Variants in DSCAML1 observed in about 807,000 individuals in gnomAD.
The protein encoded by DSCAML1 is cell adhesion molecule DSCAML1.
Under a neutral mutation model 200.5 loss-of-function variants are expected in DSCAML1, and 38 were observed. The observed-to-expected ratio is 0.19, with a 90% CI of 0.15 to 0.25. DSCAML1 has a LOEUF of 0.25. DSCAML1 is among the 10% of genes least tolerant of loss of function. The probability of loss-of-function intolerance (pLI) is 1.00; values close to 1 mark genes in which losing one functional copy is unlikely to be tolerated. For missense variants in DSCAML1, 2,223 were observed against 2,858.8 expected (o/e 0.78, Z 5.07); for synonymous variants, 1,215 against 1,165.0 (o/e 1.04, Z -0.87).
chr11:117,760,961 C>A (rs2054790110), intron 3 of DSCAML1, among the ~76,000 whole-genome samples: 1 of 152,174 alleles, frequency 6.6e-6, no homozygotes, highest in Admixed American at 6.5e-5. Context: ...ATTTTTCTAG[C>A]CCTATCCCTA....
At chr11:117,556,212 G>T (rs567366007) in intron 3 of DSCAML1, among the ~76,000 whole-genome samples, 6 of 152,300 alleles carry the variant, frequency 3.9e-5, no homozygotes, top group Admixed American at 3.3e-4. Flanking sequence ...CAGTGACCCT[G>T]CAGGGAGATG....
intron 3 of DSCAML1, among the ~76,000 whole-genome samples, chr11:117,772,120 G>C (rs1175489547): frequency 6.6e-6 from 1 of 152,128 alleles, no homozygotes; most frequent in Non-Finnish European, 1.5e-5. Context: ...CAAAAGAGGG[G>C]CAGGGTGTCA....
intron 3 of DSCAML1, among the ~76,000 whole-genome samples, chr11:117,544,187 C>T (rs1303003345): frequency 6.6e-6 from 1 of 152,132 alleles, no homozygotes; most frequent in Non-Finnish European, 1.5e-5. Context: ...CTTCAGGATG[C>T]CAGGGCCTCG....
At chr11:117,560,401 T>C (rs571320747) in intron 3 of DSCAML1, among the ~76,000 whole-genome samples, 4 of 152,320 alleles carry the variant, frequency 2.6e-5, no homozygotes, top group East Asian at 3.9e-4. Flanking sequence ...CATATCCTCA[T>C]TGTATTTTAC....
chr11:117,532,617 C>T (rs2050103433), intron 3 of DSCAML1, 95 bp from the exon 4 acceptor site: 1 of 1,252,268 alleles, frequency 8.0e-7, no homozygotes, highest in Admixed American at 2.3e-5. Flanking sequence ...TTTTCACACA[C>T]AAACAAAATG....
chr11:117,549,167 C>A (rs1413038537), intron 3 of DSCAML1, among the ~76,000 whole-genome samples: 3 of 152,188 alleles, frequency 2.0e-5, no homozygotes, highest in Admixed American at 2.0e-4. Context: ...GCCTCAGAGG[C>A]CTCCAATGGC....
intron 3 of DSCAML1, among the ~76,000 whole-genome samples, chr11:117,715,443 T>G (rs1363352905): frequency 6.6e-6 from 1 of 152,192 alleles, no homozygotes; most frequent in Non-Finnish European, 1.5e-5. Context: ...TTTTTTTGGT[T>G]TGACCATTCT....
At chr11:117,540,628 G>T (rs1196989863) in intron 3 of DSCAML1, among the ~76,000 whole-genome samples, 1 of 151,872 alleles carries the variant, frequency 6.6e-6, no homozygotes, top group Non-Finnish European at 1.5e-5. Context: ...AGTGATAGGT[G>T]GGATTTGAAC....
intron 3 of DSCAML1, among the ~76,000 whole-genome samples, chr11:117,619,376 GC>G (rs1264952464): frequency 6.6e-6 from 1 of 152,258 alleles, no homozygotes; most frequent in Non-Finnish European, 1.5e-5. Flanking sequence ...GGTCAGGAGG[GC>G]CTGGCCTCAG....
At chr11:117,461,044 A>G (rs940688770) in intron 18 of DSCAML1, among the ~76,000 whole-genome samples, 1 of 144,204 alleles carries the variant, frequency 6.9e-6, no homozygotes, top group Non-Finnish European at 1.5e-5. Flanking sequence ...CCTGGCTCAC[A>G]TAGCCATAAA....
At chr11:117,602,983 C>T (rs2051492973) in intron 3 of DSCAML1, among the ~76,000 whole-genome samples, 1 of 152,134 alleles carries the variant, frequency 6.6e-6, no homozygotes, top group Non-Finnish European at 1.5e-5. Flanking sequence ...GTAATCCCAG[C>T]CACTTGGGAG....
intron 20 of DSCAML1, among the ~76,000 whole-genome samples, chr11:117,447,965 C>T (rs1026500878): frequency 1.3e-5 from 2 of 152,230 alleles, no homozygotes; most frequent in Admixed American, 1.3e-4. Context: ...TCACTAAGTT[C>T]AGTTTCCCCC....
rs1191558048 is a variant in DSCAML1, at chr11:117,780,083, C to T, written c.364+410G>A. Among the ~76,000 whole-genome samples, 2 of 150,706 alleles carry T rather than the reference C, an allele frequency of 1.3e-5. No individual in the cohort carries two copies. The highest frequency in any genetic ancestry group is 2.9e-5 in the Non-Finnish European group (2 of 67,814). Reference sequence around the variant, plus strand: ...ACTGAGGCTTAGGAAGGTGTCTTCTCACCACTGCACTCCAGTCTGGGCGAC... The same window carrying T: ...ACTGAGGCTTAGGAAGGTGTCTTCTTACCACTGCACTCCAGTCTGGGCGAC... On this transcript the variant is annotated intron_variant, in intron 2 of 32. Transcript: ENST00000651296. The surrounding 1 kb of genome is among the most constrained non-coding windows in gnomAD (Gnocchi z 4.8).
At chr11:117,520,428 A>G (rs1009433512) in intron 6 of DSCAML1, among the ~76,000 whole-genome samples, 5 of 152,284 alleles carry the variant, frequency 3.3e-5, no homozygotes, top group African/African-American at 1.2e-4. Flanking sequence ...GCAAGTCTAG[A>G]GGTCACTGGC....
At chr11:117,441,743 G>A (rs556040094) in intron 21 of DSCAML1, among the ~76,000 whole-genome samples, 92 of 151,418 alleles carry the variant, frequency 6.1e-4, no homozygotes, top group East Asian at 1.9e-3. Flanking sequence ...TGTGCTGGTC[G>A]TGCCAGGTGC....
At chr11:117,491,314 A>C (rs188490176) in intron 11 of DSCAML1, among the ~76,000 whole-genome samples, 10 of 152,356 alleles carry the variant, frequency 6.6e-5, no homozygotes, top group Admixed American at 6.5e-4. Context: ...TGTTACCTGC[A>C]TTAACTCATG....
intron 14 of DSCAML1, among the ~76,000 whole-genome samples, chr11:117,478,571 C>CG (rs1170481613): frequency 2.0e-5 from 3 of 152,218 alleles, no homozygotes; most frequent in Non-Finnish European, 4.4e-5. Flanking sequence ...AAGTCTCCCC[C>CG]GGGAGCTCAG....
At chr11:117,626,201 C>T (rs925920763) in intron 3 of DSCAML1, among the ~76,000 whole-genome samples, 5 of 79,128 alleles carry the variant, frequency 6.3e-5, no homozygotes, top group African/African-American at 1.9e-4. Context: ...TTGCTGAGAC[C>T]CCCCCCCCTC....
intron 3 of DSCAML1, among the ~76,000 whole-genome samples, chr11:117,628,322 A>G (rs958507149): frequency 6.6e-6 from 1 of 152,164 alleles, no homozygotes; most frequent in Non-Finnish European, 1.5e-5. Context: ...AGCGCTTCCC[A>G]GGGTGGGGAG....
Sources: allele counts gnomAD v4.1 joint callset (sites outside exome capture counted in the v4.1 genomes callset), GRCh38; gene constraint gnomAD v4.1.1; non-coding constraint Gnocchi (gnomAD v3.1); transcripts MANE v1.5; gene names NCBI Gene and HGNC (gene_info 2026-07-23, HGNC 2026-07-21).